Variants in PCBP4 observed in about 807,000 individuals in gnomAD.
PCBP4 encodes poly(rC)-binding protein 4.
A neutral mutation model predicts 46.2 loss-of-function variants in PCBP4; 24 were observed. The ratio of observed to expected loss-of-function variants is 0.52; its 90% CI spans 0.38 to 0.73. PCBP4 has a LOEUF of 0.73. PCBP4 is among the 30% of genes least tolerant of loss of function. PCBP4 has a pLI of 0.00. For synonymous variants in PCBP4, 203 were observed against 224.4 expected, an observed-to-expected ratio of 0.90 and a Z score of 0.85; for missense variants, 407 against 537.0, an observed-to-expected ratio of 0.76 and a Z score of 2.39.
In PCBP4 at chr3:51,959,130, T is replaced by C. The variant is rs1700004150; in HGVS notation, c.701-31A>G. 6.2e-7 allele frequency: 1 copy of C among 1,613,522 alleles called. No individual in the cohort carries two copies. The highest frequency in any genetic ancestry group is 8.5e-7 in the Non-Finnish European group (1 of 1,179,694). On this transcript the variant is annotated intron_variant, in intron 11 of 13. Transcript: ENST00000461554. This position sits in a 1 kb window ranked among gnomAD's most constrained non-coding sequence, Gnocchi z 5.6. ...GGGGAGAAGAGGGACTGAGTGTGGT[T>C]CTGGGCCTTTCCCGCCCCACCATTT...
Position 51,961,274 on chromosome 3 carries a change from C to A in PCBP4, c.-34G>T, listed in dbSNP as rs750862973. On this transcript the variant is annotated 5_prime_UTR_variant, in exon 3 of 14. Transcript: ENST00000461554. ...GCGAGGCTGGGGCCACAGCGACCTG[C>A]GAGTGTGTCCGCGCTGCAACCTGGC... 1.2e-6 allele frequency: 2 copies of A among 1,601,848 alleles called. No homozygotes were observed. Among genetic ancestry groups the A allele is most frequent in the Non-Finnish European group, 8.5e-7 (1 of 1,177,028 alleles).
intron 1 of PCBP4, among the ~76,000 whole-genome samples, chr3:51,966,827 A>T (rs1700454913): frequency 7.3e-6 from 1 of 137,396 alleles, no homozygotes; most frequent in Non-Finnish European, 1.6e-5. Context: ...GACCCCAGCC[A>T]AGAAGCTAGG....
rs1479648410 is a variant in PCBP4 at position 51,960,990 on chromosome 3, G to A, written c.105+20C>T. 1 of 1,614,114 alleles carries A rather than the reference G, an allele frequency of 6.2e-7. No homozygotes were observed. Among genetic ancestry groups the A allele is most frequent in the Admixed American group, 1.7e-5 (1 of 60,016 alleles). ...AGCCTCAGCTGGAGGGGGATGTACA[G>A]AGCAGAGCTAGGCACCTACCTTCCC... On this transcript the variant is annotated intron_variant, in intron 4 of 13. Transcript: ENST00000461554. This position sits in a 1 kb window ranked among gnomAD's most constrained non-coding sequence, Gnocchi z 5.0.
At position 51,960,439 on chromosome 3, in the gene PCBP4, C is replaced by T; in HGVS notation, c.255+87G>A. The T allele has an allele frequency of 6.4e-7, 1 of 1,551,864 alleles. No homozygotes were observed. Among genetic ancestry groups the T allele is most frequent in the Non-Finnish European group, 8.9e-7 (1 of 1,127,008 alleles). Reference sequence around the variant, plus strand: ...GAACACTGCCCTGGGCTTGACCTCCCCTCCCACCCATAGCCACTATCTGGA... The same window carrying T: ...GAACACTGCCCTGGGCTTGACCTCCTCTCCCACCCATAGCCACTATCTGGA... On this transcript the variant is annotated intron_variant, in intron 6 of 13. Coordinates refer to ENST00000461554, the MANE Select transcript of PCBP4 (RefSeq NM_001174100.2). The surrounding 1 kb of genome is among the most constrained non-coding windows in gnomAD (Gnocchi z 5.0).
chr3:51,957,889 C>T lies in PCBP4; in HGVS notation c.*172G>A. 1 of 583,858 alleles carries T rather than the reference C, an allele frequency of 1.7e-6. No individual in the cohort carries two copies. The highest frequency in any genetic ancestry group is 2.8e-6 in the Non-Finnish European group (1 of 352,478). The allele number at this position is 583,858 out of a possible 1,614,324, so 36.2% of individuals were successfully genotyped here. A position where few individuals can be genotyped will look rare whatever the true frequency, so the allele number is the denominator to read the frequency against. On this transcript the variant is annotated 3_prime_UTR_variant, in exon 14 of 14. Transcript: ENST00000461554. ...CAGACCCCTGGGCCAGAAACTGCCC[C>T]CACTCTGAGAGAAAGAACTCCCATA...
chr3:51,957,869 C>A lies in PCBP4; in HGVS notation c.*192G>T, dbSNP rs993188976. ...GCCCTGGGGCTGCCGCAGCTCAGAC[C>A]CCTGGGCCAGAAACTGCCCCCACTC... On this transcript the variant is annotated 3_prime_UTR_variant, in exon 14 of 14. Transcript: ENST00000461554. The A allele has an allele frequency of 1.9e-5, 10 of 516,182 alleles. No homozygotes were observed. The highest frequency in any genetic ancestry group is 3.0e-5 in the Non-Finnish European group (9 of 300,286). 32.0% of individuals were successfully genotyped at this position (516,182 alleles called of 1,614,324 possible).
intron 1 of PCBP4, among the ~76,000 whole-genome samples, chr3:51,965,509 C>T (rs1393189482): frequency 1.3e-5 from 2 of 152,236 alleles, no homozygotes; most frequent in Non-Finnish European, 2.9e-5. Flanking sequence ...GTTGCTGCAA[C>T]TCAAAGAAGT....
rs780226005 is a variant in PCBP4 at position 51,959,869 on chromosome 3, CCT to C, written c.516+24_516+25del. ...CAGACCCAGGGCCCATCTCCTGCCC[CCT>C]CTCTCCCTGCCCCAGGGCAGCACCT... On this transcript the variant is annotated intron_variant, in intron 8 of 13. Coordinates refer to ENST00000461554, the MANE Select transcript of PCBP4 (RefSeq NM_001174100.2). This position sits in a 1 kb window ranked among gnomAD's most constrained non-coding sequence, Gnocchi z 5.6. The C allele has an allele frequency of 1.1e-5, 17 of 1,564,952 alleles. No homozygotes were observed. Among genetic ancestry groups the C allele is most frequent in the East Asian group, 2.2e-5 (1 of 44,566 alleles).
At chr3:51,964,860 A>C (rs1299750761) in intron 1 of PCBP4, among the ~76,000 whole-genome samples, 1 of 152,200 alleles carries the variant, frequency 6.6e-6, no homozygotes, top group Non-Finnish European at 1.5e-5. Context: ...GGGAGTGGGA[A>C]GCCTCAGGTG....
At position 51,960,386 on chromosome 3, in the gene PCBP4, G is replaced by A; in HGVS notation, c.256-66C>T. 2.5e-6 allele frequency: 4 copies of A among 1,586,786 alleles called. No individual in the cohort carries two copies. Among genetic ancestry groups the A allele is most frequent in the Non-Finnish European group, 2.6e-6 (3 of 1,164,196 alleles). ...CTATATCTGCCCAGGGGTCAGGAGGGTACCCTTTCCCCAGTCCCACTTCAA... is the reference window on the plus strand; with the variant it reads ...CTATATCTGCCCAGGGGTCAGGAGGATACCCTTTCCCCAGTCCCACTTCAA... On this transcript the variant is annotated intron_variant, in intron 6 of 13. Transcript: ENST00000461554. The surrounding 1 kb of genome is among the most constrained non-coding windows in gnomAD (Gnocchi z 5.0).
At chr3:51,964,436 C>G (rs570354562) in intron 1 of PCBP4, among the ~76,000 whole-genome samples, 1 of 152,300 alleles carries the variant, frequency 6.6e-6, no homozygotes, top group Non-Finnish European at 1.5e-5. Flanking sequence ...TGGGGGATTC[C>G]CTCCGCTCTG....
Position 51,960,881 on chromosome 3 carries a change from C to G in PCBP4, c.123G>C (p.Lys41Asn). 1 of 1,613,544 alleles carries G rather than the reference C, an allele frequency of 6.2e-7. No homozygotes were observed. Among genetic ancestry groups the G allele is most frequent in the Non-Finnish European group, 8.5e-7 (1 of 1,180,044 alleles). ...CCATCCTCACCTGCTCCCGGATTCG[C>G]TTTACAGTCTCGCCCTTCTGTGGGA... ...SIIGKKGETV[K>N]RIREQSSARI... Residue 41 changes from lysine to asparagine, a missense_variant, in exon 5 of 14, where the codon AAG becomes AAC. By Grantham distance (94) the Lys-to-Asn change is moderately conservative. Coordinates refer to ENST00000461554, the MANE Select transcript of PCBP4 (RefSeq NM_001174100.2). The surrounding 1 kb of genome is among the most constrained non-coding windows in gnomAD (Gnocchi z 5.0).
rs145742906 is a variant in PCBP4 at position 51,960,661 on chromosome 3, C to G, written c.139-19G>C. On this transcript the variant is annotated intron_variant, in intron 5 of 13. Transcript: ENST00000461554. The surrounding 1 kb of genome is among the most constrained non-coding windows in gnomAD (Gnocchi z 5.0). ...CACTGCTCTGCAGATATAGAATGAG[C>G]GCCGGGCAGCGGGGCATCTTCCCTG... is the stretch of plus-strand genomic sequence containing the variant. 5.7e-5 allele frequency: 90 copies of G among 1,588,508 alleles called. No individual in the cohort carries two copies. The African/African-American group carries it at 1.2e-3, about 20-fold the overall frequency.
rs750235833 is a variant in PCBP4 at position 51,959,701 on chromosome 3, C to A, written c.517-50G>T. ...TCAGGACCCTCTCAGGCTCCGATAA[C>A]CTCCCCAGCTGCCCAGTGGCCTCAG... On this transcript the variant is annotated intron_variant, in intron 8 of 13. Coordinates refer to ENST00000461554, the MANE Select transcript of PCBP4 (RefSeq NM_001174100.2). The surrounding 1 kb of genome is among the most constrained non-coding windows in gnomAD (Gnocchi z 5.6). The A allele has an allele frequency of 2.0e-5, 30 of 1,516,700 alleles. No individual in the cohort carries two copies. The South Asian group carries it at 3.6e-4, about 18-fold the overall frequency. 94.0% of individuals were successfully genotyped at this position (1,516,700 alleles called of 1,614,324 possible).
chr3:51,958,360 G>A lies in PCBP4; in HGVS notation c.924-11C>T. On this transcript the variant is annotated splice_polypyrimidine_tract_variant and intron_variant, in intron 13 of 13. Transcript: ENST00000461554. The surrounding 1 kb of genome is among the most constrained non-coding windows in gnomAD (Gnocchi z 5.4). The stretch of plus-strand genomic sequence containing the variant: ...TTGGCCGTCTCTAGACTGGAGAGAG[G>A]GATATAGAGGGGAGACAAAGGGGAA... 6.8e-7 allele frequency: 1 copy of A among 1,469,140 alleles called. No individual in the cohort carries two copies. The allele number at this position is 1,469,140 out of a possible 1,614,324, so 91.0% of individuals were successfully genotyped here.
Position 51,959,005 on chromosome 3 carries a change from A to G in PCBP4, c.753+42T>C. On this transcript the variant is annotated intron_variant, in intron 12 of 13. Transcript: ENST00000461554. This position sits in a 1 kb window ranked among gnomAD's most constrained non-coding sequence, Gnocchi z 5.6. ...AGCCCTGGGTGAGGTCCAGACCCCC[A>G]GACCCCCTACCCACCCTCCAGCCAT... 6.2e-7 allele frequency: 1 copy of G among 1,613,388 alleles called. No homozygotes were observed. Among genetic ancestry groups the G allele is most frequent in the Non-Finnish European group, 8.5e-7 (1 of 1,179,504 alleles).
At position 51,960,704 on chromosome 3, in the gene PCBP4, G is replaced by C. The variant is rs538425795; in HGVS notation, c.139-62C>G. 3.9e-5 allele frequency: 59 copies of C among 1,498,486 alleles called. No homozygotes were observed. The highest frequency in any genetic ancestry group is 5.2e-5 in the Non-Finnish European group (56 of 1,074,684). The allele number at this position is 1,498,486 out of a possible 1,614,324, so 92.8% of individuals were successfully genotyped here. ...CTTCCCTGCTCCCTTGCCGGAACTT[G>C]TCTGCCTGCCCCACTCACCAGGCCT... On this transcript the variant is annotated intron_variant, in intron 5 of 13. Coordinates refer to ENST00000461554, the MANE Select transcript of PCBP4 (RefSeq NM_001174100.2). This position sits in a 1 kb window ranked among gnomAD's most constrained non-coding sequence, Gnocchi z 5.0.
At chr3:51,966,244 G>A (rs1360989422) in intron 1 of PCBP4, among the ~76,000 whole-genome samples, 1 of 152,212 alleles carries the variant, frequency 6.6e-6, no homozygotes, top group Non-Finnish European at 1.5e-5. Context: ...CTGCCAGGGT[G>A]TGTGGGCTGC....
Position 51,958,014 on chromosome 3 carries a change from C to T in PCBP4, c.*47G>A. The T allele has an allele frequency of 3.4e-6, 5 of 1,487,476 alleles. No individual in the cohort carries two copies. The highest frequency in any genetic ancestry group is 2.4e-5 in the East Asian group (1 of 42,266). 92.1% of individuals were successfully genotyped at this position (1,487,476 alleles called of 1,614,324 possible). ...TTGGGCGGGTAGGGTGCAGAGGCAGCCCCCTGCTGGTGGTCCTGCCTGCCC... is the reference window on the plus strand; with the variant it reads ...TTGGGCGGGTAGGGTGCAGAGGCAGTCCCCTGCTGGTGGTCCTGCCTGCCC... On this transcript the variant is annotated 3_prime_UTR_variant, in exon 14 of 14. Coordinates refer to ENST00000461554, the MANE Select transcript of PCBP4 (RefSeq NM_001174100.2). The surrounding 1 kb of genome is among the most constrained non-coding windows in gnomAD (Gnocchi z 5.4).
Sources: gnomAD v4.1 joint callset for allele counts (sites outside exome capture counted in the v4.1 genomes callset) on GRCh38, gnomAD v4.1.1 for gene constraint, Gnocchi (gnomAD v3.1) non-coding constraint, MANE v1.5 for transcripts, NCBI Gene and HGNC (gene_info 2026-07-23, HGNC 2026-07-21) for gene names.